ROBO2: variants seen among roughly 807,000 people sequenced by gnomAD.
ROBO2 encodes roundabout homolog 2.
ROBO2 carries 53 observed loss-of-function variants against 160.8 expected under a neutral mutation model. The ratio of observed to expected loss-of-function variants is 0.33; its 90% CI spans 0.26 to 0.41. The LOEUF (loss-of-function observed/expected upper bound fraction) is 0.41. ROBO2 is among the 10% of genes least tolerant of loss of function. The pLI, the probability that ROBO2 is intolerant of heterozygous loss-of-function variation, is 1.00. For synonymous variants in ROBO2, 664 were observed against 611.7 expected (o/e 1.09, Z -1.26); for missense variants, 1,577 against 1,722.4 (o/e 0.92, Z 1.49).
At chr3:76,077,287 G>T (rs1427768726) in intron 2 of ROBO2, among the ~76,000 whole-genome samples, 1 of 152,190 alleles carries the variant, frequency 6.6e-6, no homozygotes, top group East Asian at 1.9e-4. Context: ...ATGAGGCCGG[G>T]TGAAGTGGCT....
At chr3:77,329,663 C>T (rs1012537188) in intron 2 of ROBO2, among the ~76,000 whole-genome samples, 6 of 152,164 alleles carry the variant, frequency 3.9e-5, no homozygotes, top group Non-Finnish European at 5.9e-5. Context: ...TCTCTCCTGC[C>T]CTGTGCCTCA....
rs138832187 is a variant in ROBO2, at chr3:76,357,934, A to G, written c.109+420332A>G. ...TAAATTTTAAATATGCTTACCCATA[A>G]AGAAAACAGTCATGTCACTCCAAAT... On this transcript the variant is annotated intron_variant, in intron 2 of 26. Coordinates refer to the ROBO2 transcript ENST00000487694. Among the ~76,000 whole-genome samples, 46 of 151,018 alleles carry G rather than the reference A, an allele frequency of 3.0e-4. No homozygotes were observed. In the East Asian group the frequency reaches 8.2e-3, roughly 27 times the overall value.
chr3:75,983,514 T>C (rs1277579359), intron 2 of ROBO2, among the ~76,000 whole-genome samples: 1 of 151,416 alleles, frequency 6.6e-6, no homozygotes, highest in Non-Finnish European at 1.5e-5. Context: ...CAGTCAGAAG[T>C]CCTGTTGAAA....
intron 2 of ROBO2, among the ~76,000 whole-genome samples, chr3:77,452,651 C>T (rs1405048112): frequency 6.6e-6 from 1 of 152,110 alleles, no homozygotes; most frequent in Non-Finnish European, 1.5e-5. Context: ...CAGTTTACAG[C>T]AAGTGCTCAA....
At chr3:76,650,151 C>G (rs950215127) in intron 2 of ROBO2, among the ~76,000 whole-genome samples, 3 of 151,610 alleles carry the variant, frequency 2.0e-5, no homozygotes, top group Non-Finnish European at 4.4e-5. Flanking sequence ...AAAACTAAAA[C>G]AAAATAAACA....
intron 2 of ROBO2, among the ~76,000 whole-genome samples, chr3:76,301,855 C>A (rs1709375397): frequency 6.6e-6 from 1 of 152,082 alleles, no homozygotes. Flanking sequence ...CTAAACCCTT[C>A]TGAGAGATAG....
rs532574996 is a variant in ROBO2, at chr3:77,187,126, G to A, written c.388+88786G>A. On this transcript the variant is annotated intron_variant, in intron 2 of 25. Transcript: ENST00000461745. ...TCCTTCATTGTAAAAAGCTAAAACA[G>A]GAAAGCAGTATCAGGATTAAATAAG... 2.0e-5 allele frequency among the ~76,000 whole-genome samples: 3 copies of A among 151,994 alleles called. No homozygotes were observed. In the South Asian group the frequency reaches 6.2e-4, roughly 32 times the overall value.
intron 2 of ROBO2, among the ~76,000 whole-genome samples, chr3:76,054,109 G>A (rs1481119447): frequency 6.6e-6 from 1 of 151,986 alleles, no homozygotes; most frequent in Non-Finnish European, 1.5e-5. Context: ...CTGCCTTTTT[G>A]TAATTGAGAG....
At chr3:76,369,568 A>G (rs928080311) in intron 2 of ROBO2, among the ~76,000 whole-genome samples, 2 of 151,936 alleles carry the variant, frequency 1.3e-5, no homozygotes, top group South Asian at 2.1e-4. Flanking sequence ...CTCTGAGTAG[A>G]TAGATGCTTC....
At chr3:77,129,552 A>G (rs1356712619) in intron 2 of ROBO2, among the ~76,000 whole-genome samples, 2 of 152,172 alleles carry the variant, frequency 1.3e-5, no homozygotes, top group African/African-American at 2.4e-5. Flanking sequence ...TGAAGAAGTG[A>G]TAGTCGGTTG....
At chr3:75,969,023 G>A (rs1263801207) in intron 2 of ROBO2, among the ~76,000 whole-genome samples, 2 of 151,140 alleles carry the variant, frequency 1.3e-5, no homozygotes, top group African/African-American at 2.4e-5. Context: ...GCGAGATCAT[G>A]AAGTATTTTT....
intron 2 of ROBO2, among the ~76,000 whole-genome samples, chr3:76,065,424 CGTGTT>C (rs1411401071): frequency 6.6e-6 from 1 of 151,950 alleles, no homozygotes; most frequent in Non-Finnish European, 1.5e-5. Flanking sequence ...AGACAACAAT[CGTGTT>C]GTGTTGAATA....
chr3:76,664,670 T>G (rs932560281), intron 2 of ROBO2, among the ~76,000 whole-genome samples: 1 of 152,198 alleles, frequency 6.6e-6, no homozygotes, highest in East Asian at 1.9e-4. Flanking sequence ...AAATAAAACT[T>G]TCTTAAGGGT....
chr3:76,965,785 G>GTACATATATATATATA (rs2059250194), intron 2 of ROBO2, among the ~76,000 whole-genome samples: 1 of 129,222 alleles, frequency 7.7e-6, no homozygotes, highest in African/African-American at 3.1e-5. Flanking sequence ...TTGTGTTTGT[G>GTACATATATATATATA]TATATATATA....
intron 2 of ROBO2, among the ~76,000 whole-genome samples, chr3:77,235,176 A>T (rs538972556): frequency 8.9e-4 from 135 of 152,310 alleles, no homozygotes; most frequent in African/African-American, 3.1e-3. Flanking sequence ...ATATTCGATA[A>T]CCTTTATTAA....
At chr3:76,770,171 TAAC>T (rs1403959445) in intron 2 of ROBO2, among the ~76,000 whole-genome samples, 1 of 151,444 alleles carries the variant, frequency 6.6e-6, no homozygotes, top group Non-Finnish European at 1.5e-5. Context: ...CATAATTCGA[TAAC>T]AAAATATTTG....
intron 2 of ROBO2, among the ~76,000 whole-genome samples, chr3:77,008,649 A>G (rs968485923): frequency 2.0e-5 from 3 of 152,166 alleles, no homozygotes; most frequent in Non-Finnish European, 4.4e-5. Flanking sequence ...GCATATACGT[A>G]GATAACACAC....
At chr3:77,595,666 T>C (rs1239449977) in intron 18 of ROBO2, among the ~76,000 whole-genome samples, 2 of 152,176 alleles carry the variant, frequency 1.3e-5, no homozygotes, top group South Asian at 2.1e-4. Flanking sequence ...TCATATATCC[T>C]CATCTATTTT....
At chr3:76,442,499 A>G (rs1309071677) in intron 2 of ROBO2, among the ~76,000 whole-genome samples, 1 of 152,190 alleles carries the variant, frequency 6.6e-6, no homozygotes, top group Non-Finnish European at 1.5e-5. Context: ...TACCTTTCCC[A>G]GAGCAAATGC....
Sources: allele counts gnomAD v4.1 joint callset (sites outside exome capture counted in the v4.1 genomes callset), GRCh38; gene constraint gnomAD v4.1.1; transcripts MANE v1.5; gene names NCBI Gene and HGNC (gene_info 2026-07-23, HGNC 2026-07-21).